Variants in GOLGA1 observed in about 807,000 individuals in gnomAD.
GOLGA1 encodes the protein golgin subfamily A member 1.
A neutral mutation model predicts 119.7 loss-of-function variants in GOLGA1; 63 were observed. The ratio of observed to expected loss-of-function variants is 0.53; its 90% CI spans 0.43 to 0.65. The LOEUF (loss-of-function observed/expected upper bound fraction) is 0.65, where lower values mean the gene tolerates loss of function less well. GOLGA1 is among the 30% of genes least tolerant of loss of function. The pLI is 0.00. For missense variants in GOLGA1, 798 were observed against 912.8 expected, an observed-to-expected ratio of 0.87 and a Z score of 1.62; for synonymous variants, 318 against 333.4, an observed-to-expected ratio of 0.95 and a Z score of 0.50.
chr9:124,942,554 G>A (rs1026791731), upstream of GOLGA1: 2 of 152,154 alleles, frequency 1.3e-5, no homozygotes, highest in African/African-American at 4.8e-5. Context: ...TGAGATATTT[G>A]AATGAAGCAA....
intron 10 of GOLGA1, among the ~76,000 whole-genome samples, chr9:124,916,477 C>G (rs1830448212): frequency 6.6e-6 from 1 of 152,008 alleles, no homozygotes; most frequent in African/African-American, 2.4e-5. Context: ...AAACATTAAA[C>G]TTATAGCAAA....
Position 124,881,234 on chromosome 9 carries a change from C to A in GOLGA1, c.2160G>T (p.Val720=). ...ESEAFHLIKA[V]SVLLNFSQEE... is the part of the protein sequence containing the mutation. ...CTTGGGAAAAGTTCAGCAACACTGACACAGCTTTTATAAGATGAAAAGCCT... is the reference window on the plus strand; with the variant it reads ...CTTGGGAAAAGTTCAGCAACACTGAAACAGCTTTTATAAGATGAAAAGCCT... The change falls in exon 22 of 23, where the codon GTG becomes GTT. Residue 720 remains valine (V), a synonymous_variant. Transcript: ENST00000373555. The surrounding 1 kb of genome is among the most constrained non-coding windows in gnomAD (Gnocchi z 4.9). The A allele has an allele frequency of 6.2e-7, 1 of 1,604,486 alleles. No homozygotes were observed. The highest frequency in any genetic ancestry group is 8.5e-7 in the Non-Finnish European group (1 of 1,171,128).
Position 124,890,589 on chromosome 9 carries a change from T to C in GOLGA1, c.1408-111A>G, listed in dbSNP as rs906535827. On this transcript the variant is annotated intron_variant, in intron 15 of 22. Transcript: ENST00000373555. ...ATGGCTTTGCAGAGCCAGACCAACA[T>C]GCTCCCCACTTCCCAGGCTCCCAGC... The C allele has an allele frequency of 1.2e-4, 94 of 799,988 alleles. No homozygotes were observed. The African/African-American group carries it at 1.4e-3, about 12-fold the overall frequency. The allele number at this position is 799,988 out of a possible 1,614,324, so 49.6% of individuals were successfully genotyped here. A position where few individuals can be genotyped will look rare whatever the true frequency, so the allele number is the denominator to read the frequency against.
Position 124,897,631 on chromosome 9 carries a change from G to A in GOLGA1, c.1407+918C>T, listed in dbSNP as rs369262165. On this transcript the variant is annotated intron_variant, in intron 15 of 22. Transcript: ENST00000373555. ...GCTAGGATTAGAGGCGTGAGCCACC[G>A]CACTGGCTCATTGCTATTTAATACA... Among the ~76,000 whole-genome samples, 76 of 152,202 alleles carry A rather than the reference G, an allele frequency of 5.0e-4. No homozygotes were observed. The East Asian group carries it at 5.0e-3, about 10-fold the overall frequency.
chr9:124,928,018 T>A (rs1231860493), intron 6 of GOLGA1, among the ~76,000 whole-genome samples, 170 bp downstream of exon 6: 1 of 152,240 alleles, frequency 6.6e-6, no homozygotes, highest in Non-Finnish European at 1.5e-5. Context: ...ATTAGAACTG[T>A]AAAGTTTCTT....
At chr9:124,885,084 T>C (rs1248660008) in intron 19 of GOLGA1, among the ~76,000 whole-genome samples, 2 of 152,042 alleles carry the variant, frequency 1.3e-5, no homozygotes, top group African/African-American at 4.8e-5. Flanking sequence ...ATCCCAGCAC[T>C]TTGGGAGGCC....
In GOLGA1 at chr9:124,882,515, C is replaced by A. The variant is rs762101549; in HGVS notation, c.1960G>T (p.Glu654Ter). The A allele has an allele frequency of 1.2e-6, 2 of 1,610,712 alleles. No individual in the cohort carries two copies. The highest frequency in any genetic ancestry group is 2.2e-5 in the East Asian group (1 of 44,874). The stretch of plus-strand genomic sequence containing the variant: ...GCTCCCATGCGAGTACTCACCAGCT[C>A]CTTCTGCAGAGTCTTCCGGAGCTCC... ...MLELRKTLQK[E>*]LKIRPDNELF... The change falls in exon 20 of 23, where the codon GAG becomes TAG. Residue 654 changes from glutamate to a stop codon, truncating the protein, a stop_gained. Coordinates refer to ENST00000373555, the MANE Select transcript of GOLGA1 (RefSeq NM_002077.4). LOFTEE classifies it high-confidence loss of function.
intron 12 of GOLGA1, among the ~76,000 whole-genome samples, chr9:124,905,692 T>C (rs1830212947): frequency 6.6e-6 from 1 of 152,066 alleles, no homozygotes; most frequent in Non-Finnish European, 1.5e-5. Flanking sequence ...ATAGATAATA[T>C]GATTATCTAC....
rs117921401 is a variant in GOLGA1 at position 124,904,256 on chromosome 9, A to G, written c.1066-3709T>C. On this transcript the variant is annotated intron_variant, in intron 12 of 22. Coordinates refer to ENST00000373555, the MANE Select transcript of GOLGA1 (RefSeq NM_002077.4). ...CCAAACTCAAAGAGACAGAAAATAGAATGGTGGTTCCCAGACTGGGGTAGG... is the reference window on the plus strand; with the variant it reads ...CCAAACTCAAAGAGACAGAAAATAGGATGGTGGTTCCCAGACTGGGGTAGG... Among the ~76,000 whole-genome samples the G allele has an allele frequency of 6.3e-3, 960 of 152,254 alleles. 15 individuals carry two copies. In the East Asian group the frequency reaches 0.072, roughly 11 times the overall value.
upstream of GOLGA1, among the ~76,000 whole-genome samples, chr9:124,942,266 A>G (rs1032912739): frequency 2.6e-5 from 4 of 152,198 alleles, no homozygotes; most frequent in African/African-American, 9.7e-5. Flanking sequence ...GCGAAACTCT[A>G]TCTCAAACAA....
chr9:124,931,238 T>C, intron 4 of GOLGA1, 78 bp downstream of exon 4: 2 of 766,370 alleles, frequency 2.6e-6, no homozygotes, highest in Non-Finnish European at 2.4e-6. Flanking sequence ...AAAGTCATCC[T>C]ATATGGCTAT....
At chr9:124,886,389 C>T (rs990995234) in intron 19 of GOLGA1, among the ~76,000 whole-genome samples, 7 of 151,966 alleles carry the variant, frequency 4.6e-5, no homozygotes, top group African/African-American at 1.5e-4. Context: ...GAGGAAGAGA[C>T]GCCTGTCCAA....
chr9:124,880,555 G>A lies in GOLGA1; in HGVS notation c.2279C>T (p.Ser760Leu). ...APKGSIRPSISNPRIPWS is the reference protein window; with the variant it reads ...APKGSIRPSILNPRIPWS Reference sequence around the variant, plus strand: ...CTAGGACCATGGTATCCGAGGGTTTGAGATAGACGGCCGGATGCTGCCCTT... The same window carrying A: ...CTAGGACCATGGTATCCGAGGGTTTAAGATAGACGGCCGGATGCTGCCCTT... The change falls in exon 23 of 23, where the codon TCA becomes TTA. Residue 760 changes from serine to leucine, a missense_variant. Physicochemically the swap from Ser to Leu is moderately radical, Grantham distance 145. Coordinates refer to ENST00000373555, the MANE Select transcript of GOLGA1 (RefSeq NM_002077.4). The A allele has an allele frequency of 1.2e-6, 2 of 1,608,538 alleles. No homozygotes were observed. Among genetic ancestry groups the A allele is most frequent in the South Asian group, 2.2e-5 (2 of 90,922 alleles).
At position 124,900,457 on chromosome 9, in the gene GOLGA1, C is replaced by T. The variant is rs763866180; in HGVS notation, c.1156G>A (p.Glu386Lys). ...CAGCTCCAATAAGCACTTACGAGCT[C>T]CTGTATCTGAGTTTCCTGGGCAGCC... is the stretch of plus-strand genomic sequence containing the variant. ...IVAAQETQIQ[E>K]LAAANQESSH... The change falls in exon 13 of 23, where the codon GAG becomes AAG. Residue 386 changes from glutamate (E) to lysine (K), a missense_variant. By Grantham distance (56) the Glu-to-Lys change is moderately conservative (BLOSUM62 1). Transcript: ENST00000373555. 4 of 1,508,520 alleles carry T rather than the reference C, an allele frequency of 2.7e-6. No individual in the cohort carries two copies. Among genetic ancestry groups the T allele is most frequent in the South Asian group, 2.2e-5 (2 of 88,914 alleles). 93.4% of individuals were successfully genotyped at this position (1,508,520 alleles called of 1,614,324 possible).
At chr9:124,940,803 C>T (rs1376019359) in intron 1 of GOLGA1, among the ~76,000 whole-genome samples, 168 bp downstream of exon 1, 1 of 152,230 alleles carries the variant, frequency 6.6e-6, no homozygotes, top group Admixed American at 6.5e-5. Flanking sequence ...CTCCAGACTC[C>T]CAGGCCGGGG....
At chr9:124,890,357 G>C (rs1399474796) in intron 16 of GOLGA1, 32 bp downstream of exon 16, 1 of 1,415,140 alleles carries the variant, frequency 7.1e-7, no homozygotes, top group Non-Finnish European at 1.0e-6. Context: ...ACTGCAGGGG[G>C]ACATCGCCCC....
intron 13 of GOLGA1, among the ~76,000 whole-genome samples, chr9:124,899,937 A>G (rs765772362): frequency 6.6e-6 from 1 of 152,236 alleles, no homozygotes; most frequent in Non-Finnish European, 1.5e-5. Context: ...CGTCTACAGG[A>G]TGAGGATGAC....
In GOLGA1 at chr9:124,923,169, G is replaced by T. The variant is rs1333781911; in HGVS notation, c.487C>A (p.Leu163Ile). The T allele has an allele frequency of 1.3e-6, 2 of 1,599,230 alleles. No homozygotes were observed. The highest frequency in any genetic ancestry group is 1.7e-6 in the Non-Finnish European group (2 of 1,167,562). Residue 163 changes from leucine (L) to isoleucine (I), a missense_variant, in exon 8 of 23, where the codon CTT becomes ATT. Coordinates refer to ENST00000373555, the MANE Select transcript of GOLGA1 (RefSeq NM_002077.4). ...TCCATTTCATCTCTCCTTTGGAAAA[G>T]ATTCATACTCTGGTTCTTCATTTCC... ...LQEMKNQSMN[L>I]FQRRDEMDEL...
intron 3 of GOLGA1, among the ~76,000 whole-genome samples, chr9:124,937,051 T>C (rs1019733736): frequency 8.5e-5 from 13 of 152,340 alleles, no homozygotes; most frequent in African/African-American, 2.4e-4. Context: ...ACAGAATTGA[T>C]AGTGTTCTAT....
Sources: allele counts gnomAD v4.1 joint callset (sites outside exome capture counted in the v4.1 genomes callset), GRCh38; gene constraint gnomAD v4.1.1; non-coding constraint Gnocchi (gnomAD v3.1); transcripts MANE v1.5; gene names NCBI Gene and HGNC (gene_info 2026-07-23, HGNC 2026-07-21).